The following HEMK2 variants were observed in gnomAD, a reference collection of about 807,000 sequenced individuals.
HEMK2 encodes methyltransferase HEMK2.
At chr21:28,733,393 T>C in the HEMK2 span, among the ~76,000 whole-genome samples, 2 of 152,204 alleles carry the variant, frequency 1.3e-5, no homozygotes, top group Non-Finnish European at 2.9e-5. Flanking sequence ...TAGATAACAT[T>C]GGCTTTTTTT....
At chr21:28,577,934 T>A in the HEMK2 span, among the ~76,000 whole-genome samples, 2 of 152,230 alleles carry the variant, frequency 1.3e-5, no homozygotes, top group East Asian at 3.8e-4. Context: ...GATCTTTTAA[T>A]TGGCTCCCAA....
chr21:28,863,025 G>A, the HEMK2 span, among the ~76,000 whole-genome samples: 1 of 152,078 alleles, frequency 6.6e-6, no homozygotes, highest in African/African-American at 2.4e-5. Flanking sequence ...GTGGATTTGC[G>A]ATGGTTAATA....
chr21:28,664,021 T>C, the HEMK2 span, among the ~76,000 whole-genome samples: 1 of 152,342 alleles, frequency 6.6e-6, no homozygotes, highest in Admixed American at 6.5e-5. Context: ...TCATTGTCTT[T>C]GGCAAAAACT....
the HEMK2 span, among the ~76,000 whole-genome samples, chr21:28,713,728 C>T: frequency 6.6e-6 from 1 of 152,190 alleles, no homozygotes; most frequent in Non-Finnish European, 1.5e-5. Context: ...TTATTATCTA[C>T]CTACGGACCC....
the HEMK2 span, among the ~76,000 whole-genome samples, chr21:28,774,844 C>G: frequency 3.3e-5 from 5 of 152,098 alleles, no homozygotes; most frequent in Middle Eastern, 3.2e-3. Context: ...AGATGAGCAT[C>G]TTTGTAATAT....
the HEMK2 span, among the ~76,000 whole-genome samples, chr21:28,828,684 T>C: frequency 6.6e-6 from 1 of 152,146 alleles, no homozygotes; most frequent in African/African-American, 2.4e-5. Flanking sequence ...TGTCAGAAAA[T>C]GTTCCCTTTC....
chr21:28,608,127 T>C, the HEMK2 span, among the ~76,000 whole-genome samples: 1 of 152,132 alleles, frequency 6.6e-6, no homozygotes, highest in Non-Finnish European at 1.5e-5. Flanking sequence ...AGGCAGAATG[T>C]TGAAATGAAA....
chr21:28,836,891 T>G, the HEMK2 span, among the ~76,000 whole-genome samples: 1 of 151,868 alleles, frequency 6.6e-6, no homozygotes, highest in Non-Finnish European at 1.5e-5. Flanking sequence ...AAACAAACTT[T>G]AAAGTAACAG....
the HEMK2 span, among the ~76,000 whole-genome samples, chr21:28,834,232 A>G: frequency 1.3e-5 from 2 of 152,220 alleles, no homozygotes; most frequent in East Asian, 1.9e-4. Context: ...GCTCCAGATC[A>G]ACTGCAAGAA....
At chr21:28,684,405 C>T in the HEMK2 span, among the ~76,000 whole-genome samples, 1 of 152,180 alleles carries the variant, frequency 6.6e-6, no homozygotes, top group Non-Finnish European at 1.5e-5. Flanking sequence ...AAACAAACTT[C>T]ATTAGTAATA....
chr21:28,848,856 G>C, the HEMK2 span, among the ~76,000 whole-genome samples: 1 of 152,120 alleles, frequency 6.6e-6, no homozygotes, highest in Non-Finnish European at 1.5e-5. Flanking sequence ...ACACCCATCA[G>C]TATCCCACCC....
the HEMK2 span, among the ~76,000 whole-genome samples, chr21:28,643,666 A>G: frequency 1.3e-5 from 2 of 152,168 alleles, no homozygotes; most frequent in Non-Finnish European, 2.9e-5. Context: ...CAACAGAGTG[A>G]CCAGTAAGCA....
At chr21:28,745,643 T>C in the HEMK2 span, among the ~76,000 whole-genome samples, 1 of 152,220 alleles carries the variant, frequency 6.6e-6, no homozygotes, top group African/African-American at 2.4e-5. Context: ...AATGCTCTAA[T>C]GCTCTCACGT....
At chr21:28,621,093 T>C in the HEMK2 span, among the ~76,000 whole-genome samples, 1 of 152,124 alleles carries the variant, frequency 6.6e-6, no homozygotes, top group Non-Finnish European at 1.5e-5. Context: ...TAGTTATTTC[T>C]TGTCTTCTGC....
the HEMK2 span, among the ~76,000 whole-genome samples, chr21:28,744,823 C>G: frequency 6.6e-6 from 1 of 152,140 alleles, no homozygotes; most frequent in African/African-American, 2.4e-5. Context: ...CTGTTTCATG[C>G]TTTTAGAAAA....
chr21:28,688,357 A>G, the HEMK2 span, among the ~76,000 whole-genome samples: 7 of 152,218 alleles, frequency 4.6e-5, no homozygotes, highest in Non-Finnish European at 8.8e-5. Flanking sequence ...GTAATTGAAC[A>G]ATTTATAGGA....
chr21:28,804,143 T>C, the HEMK2 span, among the ~76,000 whole-genome samples: 1 of 152,242 alleles, frequency 6.6e-6, no homozygotes, highest in Non-Finnish European at 1.5e-5. Flanking sequence ...ATGGTATTTA[T>C]TAGCTTTATC....
chr21:28,629,394 G>C, the HEMK2 span, among the ~76,000 whole-genome samples: 1 of 152,102 alleles, frequency 6.6e-6, no homozygotes, highest in Non-Finnish European at 1.5e-5. Context: ...CCTCGACATC[G>C]AGCAGATATT....
chr21:28,658,524 T>G, the HEMK2 span, among the ~76,000 whole-genome samples: 8 of 152,222 alleles, frequency 5.3e-5, no homozygotes, highest in East Asian at 1.5e-3. Flanking sequence ...ATTGCCATGT[T>G]GAAGACCTTT....
Sources: allele counts gnomAD v4.1 joint callset (sites outside exome capture counted in the v4.1 genomes callset), GRCh38; gene constraint gnomAD v4.1.1; transcripts MANE v1.5; gene names NCBI Gene and HGNC (gene_info 2026-07-23, HGNC 2026-07-21).